Variants in ATIC observed in about 807,000 individuals in gnomAD.
The protein encoded by ATIC is bifunctional purine biosynthesis protein ATIC.
A neutral mutation model predicts 72.5 loss-of-function variants in ATIC; 64 were observed. That is an observed-to-expected ratio of 0.88 (90% CI 0.72 to 1.09). The LOEUF is 1.09. ATIC is among the 50% of genes least tolerant of loss of function. The pLI is 0.00. For missense variants in ATIC, 787 were observed against 732.4 expected (o/e 1.07, Z -0.86); for synonymous variants, 281 against 267.1 (o/e 1.05, Z -0.51).
intron 7 of ATIC, among the ~76,000 whole-genome samples, chr2:215,330,261 T>C (rs2052876547): frequency 6.6e-6 from 1 of 152,234 alleles, no homozygotes. Context: ...TGTTTTCTTC[T>C]GTGCCTCTCG....
chr2:215,329,657 C>G (rs1367668414), intron 7 of ATIC, among the ~76,000 whole-genome samples: 3 of 152,112 alleles, frequency 2.0e-5, no homozygotes, highest in African/African-American at 7.2e-5. Context: ...AAGAAAATTC[C>G]TATTTATTTC....
intron 7 of ATIC, among the ~76,000 whole-genome samples, chr2:215,330,107 C>T (rs1340206192): frequency 6.6e-6 from 1 of 152,176 alleles, no homozygotes; most frequent in Non-Finnish European, 1.5e-5. Flanking sequence ...AAAGTTTTCT[C>T]CCACTTATCA....
chr2:215,320,790 A>T (rs1344128371), intron 4 of ATIC, among the ~76,000 whole-genome samples: 1 of 152,150 alleles, frequency 6.6e-6, no homozygotes, highest in Non-Finnish European at 1.5e-5. Context: ...CATGTTGGTC[A>T]GGCTGCTCTT....
At chr2:215,355,586 G>C in the ATIC span, among the ~76,000 whole-genome samples, 10 of 152,104 alleles carry the variant, frequency 6.6e-5, no homozygotes, top group African/African-American at 2.4e-4. Context: ...CTTTAAGCTC[G>C]CAGTGCTTTC....
rs141553318 is a variant in ATIC, at chr2:215,325,226, G to T, written c.291-15G>T. 1.8e-4 allele frequency: 287 copies of T among 1,605,046 alleles called. 1 individual carries two copies. In the East Asian group the frequency reaches 6.3e-3, roughly 35 times the overall value. On this transcript the variant is annotated splice_polypyrimidine_tract_variant and intron_variant, in intron 4 of 15. Coordinates refer to ENST00000236959, the MANE Select transcript of ATIC (RefSeq NM_004044.7). ...GGACTTTTTAATGACAGCCAGATTC[G>T]TCTTTGTTTTATAGAGTTGTTGCCT...
intron 2 of ATIC, among the ~76,000 whole-genome samples, chr2:215,316,151 C>T (rs191031169): frequency 6.6e-6 from 1 of 152,048 alleles, no homozygotes; most frequent in African/African-American, 2.4e-5. Flanking sequence ...TGTATAAATT[C>T]TTCAGTTCAA....
the ATIC span, among the ~76,000 whole-genome samples, chr2:215,356,657 C>T: frequency 1.3e-5 from 2 of 152,156 alleles, no homozygotes; most frequent in Non-Finnish European, 2.9e-5. Context: ...CCTTTTGTTT[C>T]TATGGATTTG....
chr2:215,326,121 C>T lies in ATIC; in HGVS notation c.514C>T (p.Arg172Cys), dbSNP rs200637968. The T allele has an allele frequency of 6.1e-5, 98 of 1,613,888 alleles. No homozygotes were observed. The highest frequency in any genetic ancestry group is 1.5e-4 in the South Asian group (14 of 91,076). Residue 172 changes from arginine (R) to cysteine (C), a missense_variant, in exon 6 of 16, where the codon CGC (arginine) becomes TGC (cysteine). Transcript: ENST00000236959. ...TAAGGACACCTCCTTGGAGACTAGA[C>T]GCCAGTTAGCCTTGAAGGTGGGATG... is the stretch of plus-strand genomic sequence containing the variant. ...ESKDTSLETR[R>C]QLALKAFTHT...
At chr2:215,322,687 G>C (rs1416385398) in intron 4 of ATIC, among the ~76,000 whole-genome samples, 1 of 152,006 alleles carries the variant, frequency 6.6e-6, no homozygotes, top group Non-Finnish European at 1.5e-5. Flanking sequence ...TTAAGTCTTT[G>C]GTTCATTTTA....
chr2:215,325,628 T>G (rs2052815029), intron 5 of ATIC, among the ~76,000 whole-genome samples: 1 of 152,130 alleles, frequency 6.6e-6, no homozygotes, highest in Non-Finnish European at 1.5e-5. Flanking sequence ...AGTGGCACAG[T>G]TTTGGCTGAC....
At chr2:215,314,737 G>A (rs993037535) in intron 2 of ATIC, among the ~76,000 whole-genome samples, 5 of 152,058 alleles carry the variant, frequency 3.3e-5, no homozygotes, top group African/African-American at 1.2e-4. Context: ...CTGACCTCAA[G>A]TGATCGCCCG....
chr2:215,356,185 T>C, the ATIC span, among the ~76,000 whole-genome samples: 1 of 152,212 alleles, frequency 6.6e-6, no homozygotes, highest in South Asian at 2.1e-4. Flanking sequence ...ACCACCTGAG[T>C]CACGATAAAT....
At chr2:215,350,560 A>G (rs532488878), downstream of ATIC, among the ~76,000 whole-genome samples, 2 of 152,340 alleles carry the variant, frequency 1.3e-5, no homozygotes, top group African/African-American at 2.4e-5. Flanking sequence ...GACCCCCTCT[A>G]TGGATAATCT....
chr2:215,328,177 G>C (rs1440996407), intron 7 of ATIC, among the ~76,000 whole-genome samples: 1 of 151,950 alleles, frequency 6.6e-6, no homozygotes, highest in East Asian at 1.9e-4. Flanking sequence ...CCTGGCCTCA[G>C]ATCTCAGATA....
intron 2 of ATIC, among the ~76,000 whole-genome samples, chr2:215,317,100 A>G (rs1051368251): frequency 5.3e-5 from 8 of 152,038 alleles, no homozygotes; most frequent in Admixed American, 3.3e-4. Context: ...GGGCATTTTT[A>G]CACACCATTA....
chr2:215,360,067 T>A, the ATIC span, among the ~76,000 whole-genome samples: 39,880 of 152,062 alleles, frequency 0.26, 6,170 homozygotes, highest in South Asian at 0.49. Flanking sequence ...GCCTTCTGAG[T>A]AGCCGGGACC....
Position 215,344,773 on chromosome 2 carries a change from T to C in ATIC, c.1228-6T>C, listed in dbSNP as rs757829616. On this transcript the variant is annotated splice_polypyrimidine_tract_variant and splice_region_variant and intron_variant, in intron 12 of 15. Coordinates refer to ENST00000236959, the MANE Select transcript of ATIC (RefSeq NM_004044.7). ...CATGCAATTTACCATTGTGTATGTG[T>C]TTCAGTTGCCAGAGTCTGCCCTCCG... 4 of 1,613,230 alleles carry C rather than the reference T, an allele frequency of 2.5e-6. No individual in the cohort carries two copies. The South Asian group carries it at 3.3e-5, about 13-fold the overall frequency.
chr2:215,353,599 T>C (rs2053146607), downstream of ATIC, among the ~76,000 whole-genome samples: 1 of 152,196 alleles, frequency 6.6e-6, no homozygotes, highest in Admixed American at 6.5e-5. Context: ...TTCATTCATG[T>C]GGCCCAGGCT....
At chr2:215,328,843 A>G (rs1202546069) in intron 7 of ATIC, among the ~76,000 whole-genome samples, 1 of 151,602 alleles carries the variant, frequency 6.6e-6, no homozygotes, top group East Asian at 1.9e-4. Flanking sequence ...TCGGCCTCTC[A>G]AGTAGCTGGG....
Sources: allele counts gnomAD v4.1 joint callset (sites outside exome capture counted in the v4.1 genomes callset), GRCh38; gene constraint gnomAD v4.1.1; transcripts MANE v1.5; gene names NCBI Gene and HGNC (gene_info 2026-07-23, HGNC 2026-07-21).